Variants in ENPP2 observed in about 807,000 individuals in gnomAD.
ENPP2 encodes the protein autotaxin.
ENPP2 carries 51 observed loss-of-function variants against 120.2 expected under a neutral mutation model. The observed-to-expected ratio is 0.42, with a 90% CI of 0.34 to 0.54. The LOEUF is 0.54. ENPP2 is among the 20% of genes least tolerant of loss of function. ENPP2 has a pLI of 0.04. For synonymous variants in ENPP2, 365 were observed against 366.4 expected (o/e 1.00, Z 0.04); for missense variants, 920 against 1,066.5 (o/e 0.86, Z 1.91).
rs897149184 is a variant in ENPP2 at position 119,582,640 on chromosome 8, T to C, written c.1544-38A>G. ...AAGAAAAGGAGGCAGGTGCTTCTTA[T>C]ATTTTTTTGATGAGATATGGTAAGA... On this transcript the variant is annotated intron_variant, in intron 17 of 24. Coordinates refer to ENST00000075322, the MANE Select transcript of ENPP2 (RefSeq NM_001040092.3). The C allele has an allele frequency of 4.8e-6, 7 of 1,446,472 alleles. No individual in the cohort carries two copies. The African/African-American group carries it at 5.7e-5, about 12-fold the overall frequency. 89.6% of individuals were successfully genotyped at this position (1,446,472 alleles called of 1,614,324 possible). A position where few individuals can be genotyped will look rare whatever the true frequency, so the allele number is the denominator to read the frequency against.
intron 24 of ENPP2, among the ~76,000 whole-genome samples, chr8:119,558,798 G>A (rs1016240617): frequency 1.3e-5 from 2 of 151,982 alleles, no homozygotes; most frequent in Non-Finnish European, 2.9e-5. Flanking sequence ...CAAGTTGAAG[G>A]GTGGCTGCAT....
At chr8:119,571,413 G>A (rs906619045) in intron 19 of ENPP2, 3 of 152,072 alleles carry the variant, frequency 2.0e-5, no homozygotes, top group Non-Finnish European at 4.4e-5. Flanking sequence ...AAAATAAGTG[G>A]GCATTCAAGA....
intron 2 of ENPP2, 22 bp downstream of exon 2, chr8:119,638,403 T>C: frequency 8.1e-7 from 1 of 1,233,004 alleles, no homozygotes; most frequent in Non-Finnish European, 1.2e-6. Flanking sequence ...AAATTGAAAA[T>C]GCAAATAGTT....
At chr8:119,589,990 T>C (rs1263730246) in intron 13 of ENPP2, among the ~76,000 whole-genome samples, 1 of 152,186 alleles carries the variant, frequency 6.6e-6, no homozygotes, top group Non-Finnish European at 1.5e-5. Context: ...AAGGGCTTAA[T>C]ATCTTTTCCT....
At chr8:119,651,704 C>T (rs1383490404) in intron 1 of ENPP2, among the ~76,000 whole-genome samples, 2 of 152,112 alleles carry the variant, frequency 1.3e-5, no homozygotes, top group Non-Finnish European at 2.9e-5. Context: ...TGTAAGCTGA[C>T]CTTCTTGTGA....
chr8:119,652,542 G>A (rs1328854213), intron 1 of ENPP2, among the ~76,000 whole-genome samples: 1 of 152,148 alleles, frequency 6.6e-6, no homozygotes, highest in African/African-American at 2.4e-5. Context: ...ATGAGATTTG[G>A]ACAGCAGAAT....
chr8:119,562,465 T>A (rs955412980), intron 24 of ENPP2, among the ~76,000 whole-genome samples: 1 of 152,178 alleles, frequency 6.6e-6, no homozygotes. Flanking sequence ...TGGAAATTTT[T>A]AAACATCCAG....
At chr8:119,670,342 C>T (rs918188238) in intron 1 of ENPP2, among the ~76,000 whole-genome samples, 20 of 152,198 alleles carry the variant, frequency 1.3e-4, no homozygotes, top group African/African-American at 4.8e-4. Context: ...TCATGCTTAA[C>T]CTTTATTCCT....
intron 2 of ENPP2, among the ~76,000 whole-genome samples, chr8:119,630,336 G>A (rs1252303841): frequency 6.6e-6 from 1 of 152,162 alleles, no homozygotes; most frequent in African/African-American, 2.4e-5. Context: ...TTTAACTCCT[G>A]ACCTCAGGTG....
At chr8:119,573,785 G>A (rs541225843) in intron 19 of ENPP2, among the ~76,000 whole-genome samples, 9 of 152,202 alleles carry the variant, frequency 5.9e-5, no homozygotes, top group African/African-American at 1.9e-4. Context: ...CTCCAGCCTG[G>A]GCAACAGTGC....
intron 4 of ENPP2, 121 bp downstream of exon 4, chr8:119,621,273 C>A (rs1277078838): frequency 2.5e-6 from 2 of 812,418 alleles, no homozygotes. Context: ...TTAAAAAGGA[C>A]AATTCATTCC....
At chr8:119,619,445 A>T in intron 4 of ENPP2, 141 bp from the exon 5 acceptor site, 1 of 611,712 alleles carries the variant, frequency 1.6e-6, no homozygotes, top group South Asian at 2.2e-5. Flanking sequence ...CTGAAAAAAA[A>T]ATCTAGTGTC....
chr8:119,569,356 G>T lies in ENPP2; in HGVS notation c.1932C>A (p.Ser644Arg), dbSNP rs566612458. The change falls in exon 21 of 25, where the codon AGC (serine) becomes AGA (arginine). Residue 644 changes from serine to arginine, a missense_variant. Coordinates refer to ENST00000075322, the MANE Select transcript of ENPP2 (RefSeq NM_001040092.3). ...CGCAACTGGTCAGATGGTCAGGAAC[G>T]CTGGAAACCTCAGCCTGCACGGGAG... ...YTVSKQAEVS[S>R]VPDHLTSCVR... 2 of 1,613,778 alleles carry T rather than the reference G, an allele frequency of 1.2e-6. No individual in the cohort carries two copies. Among genetic ancestry groups the T allele is most frequent in the Non-Finnish European group, 1.7e-6 (2 of 1,179,972 alleles).
intron 1 of ENPP2, among the ~76,000 whole-genome samples, chr8:119,667,383 T>C (rs984582653): frequency 6.6e-6 from 1 of 152,214 alleles, no homozygotes; most frequent in Non-Finnish European, 1.5e-5. Context: ...TTTATTGTAT[T>C]GAGCTGAAAT....
rs16892865 is a variant in ENPP2, at chr8:119,611,638, G to A, written c.778-3661C>T. On this transcript the variant is annotated intron_variant, in intron 8 of 24. Transcript: ENST00000075322. ...ATCCGAAACACAATAGCGGAGCCAG[G>A]CTCTAGATTGGGTCTTCGAAACAGA... Among the ~76,000 whole-genome samples, 191 of 152,320 alleles carry A rather than the reference G, an allele frequency of 1.3e-3. 2 individuals are homozygous for A. Among genetic ancestry groups the A allele is most frequent in the African/African-American group, 4.4e-3 (184 of 41,578 alleles).
At chr8:119,625,812 T>C (rs1231086151) in intron 3 of ENPP2, among the ~76,000 whole-genome samples, 1 of 152,172 alleles carries the variant, frequency 6.6e-6, no homozygotes, top group African/African-American at 2.4e-5. Flanking sequence ...TCTCAACTCA[T>C]GTGCATTCAT....
At chr8:119,640,838 T>G (rs1349272118), upstream of ENPP2, among the ~76,000 whole-genome samples, 1 of 152,094 alleles carries the variant, frequency 6.6e-6, no homozygotes, top group African/African-American at 2.4e-5. Context: ...AGCCTCCACC[T>G]CCCGGGTTCA....
At chr8:119,622,742 A>C (rs1279135884) in intron 3 of ENPP2, among the ~76,000 whole-genome samples, 1 of 151,528 alleles carries the variant, frequency 6.6e-6, no homozygotes, top group Non-Finnish European at 1.5e-5. Context: ...ATTCAGAACT[A>C]CTCTATTGAG....
At chr8:119,563,779 T>C (rs911081117) in intron 23 of ENPP2, among the ~76,000 whole-genome samples, 4 of 152,012 alleles carry the variant, frequency 2.6e-5, no homozygotes, top group African/African-American at 9.7e-5. Context: ...AAATGTGCAA[T>C]TTACACAAAA....
Sources: gnomAD v4.1 joint callset for allele counts (sites outside exome capture counted in the v4.1 genomes callset) on GRCh38, gnomAD v4.1.1 for gene constraint, MANE v1.5 for transcripts, NCBI Gene and HGNC (gene_info 2026-07-23, HGNC 2026-07-21) for gene names.